ANGPT2: variants seen among roughly 807,000 people sequenced by gnomAD.
ANGPT2 encodes the protein angiopoietin 2, also known as angiopoietin-2.
ANGPT2 carries 28 observed loss-of-function variants against 62.9 expected under a neutral mutation model. That is an observed-to-expected ratio of 0.44 (90% CI 0.33 to 0.61). The LOEUF (loss-of-function observed/expected upper bound fraction) is 0.61. Among genes scored for constraint, ANGPT2 ranks in the 20% least tolerant of loss-of-function variants. The pLI, the probability that ANGPT2 is intolerant of heterozygous loss-of-function variation, is 0.03. For synonymous variants in ANGPT2, 284 were observed against 207.8 expected, an observed-to-expected ratio of 1.37 and a Z score of -3.15; for missense variants, 727 against 594.9, an observed-to-expected ratio of 1.22 and a Z score of -2.31.
chr8:6,511,496 A>C (rs1307037397), intron 7 of ANGPT2, among the ~76,000 whole-genome samples: 2 of 152,188 alleles, frequency 1.3e-5, no homozygotes, highest in Non-Finnish European at 2.9e-5. Context: ...GCATTTATGC[A>C]TTTCTTATAA....
intron 1 of ANGPT2, among the ~76,000 whole-genome samples, chr8:6,538,275 C>A (rs563160592): frequency 6.6e-6 from 1 of 152,208 alleles, no homozygotes; most frequent in South Asian, 2.1e-4. Context: ...ATCTGTCTTA[C>A]ACACACACAT....
At chr8:6,538,091 C>T (rs763359698) in intron 1 of ANGPT2, among the ~76,000 whole-genome samples, 1 of 152,058 alleles carries the variant, frequency 6.6e-6, no homozygotes, top group Non-Finnish European at 1.5e-5. Context: ...GCAACCATCT[C>T]TCACACACAC....
At chr8:6,538,066 T>C (rs1212059183) in intron 1 of ANGPT2, among the ~76,000 whole-genome samples, 2 of 152,182 alleles carry the variant, frequency 1.3e-5, no homozygotes, top group East Asian at 3.9e-4. Flanking sequence ...CATTTCAATT[T>C]CGAAATAGGA....
At chr8:6,511,416 G>T (rs563992821) in intron 7 of ANGPT2, among the ~76,000 whole-genome samples, 1 of 152,090 alleles carries the variant, frequency 6.6e-6, no homozygotes, top group South Asian at 2.1e-4. Context: ...TGTGTGAAAA[G>T]TGATGAATTT....
intron 2 of ANGPT2, among the ~76,000 whole-genome samples, chr8:6,531,569 G>A (rs1471018284): frequency 6.6e-6 from 1 of 152,132 alleles, no homozygotes; most frequent in Non-Finnish European, 1.5e-5. Context: ...TGGAATTACA[G>A]GCGTGAGCTA....
At chr8:6,512,611 C>T (rs1586254475) in intron 7 of ANGPT2, among the ~76,000 whole-genome samples, 1 of 152,204 alleles carries the variant, frequency 6.6e-6, no homozygotes, top group African/African-American at 2.4e-5. Context: ...CCGTTGCACA[C>T]ACATTTCGGA....
Position 6,532,344 on chromosome 8 carries a change from A to T in ANGPT2, c.432T>A (p.Asp144Glu), listed in dbSNP as rs753533535. The T allele has an allele frequency of 6.2e-7, 1 of 1,614,112 alleles. No homozygotes were observed. The change falls in exon 2 of 9, where the codon GAT becomes GAA. Residue 144 changes from aspartate (D) to glutamate (E), a missense_variant. Physicochemically the swap from Asp to Glu is conservative, Grantham distance 45. Transcript: ENST00000629816. ...QTAEQTRKLT[D>E]VEAQVLNQTT... is the part of the protein sequence containing the mutation. The stretch of plus-strand genomic sequence containing the variant: ...TGGCATTACTTACTTGGGCTTCCAC[A>T]TCAGTTAACTTCCGCGTTTGCTCCG...
chr8:6,507,511 G>GAC (rs1182176803), intron 8 of ANGPT2: 1 of 149,418 alleles, frequency 6.7e-6, no homozygotes, highest in Non-Finnish European at 1.5e-5. Context: ...ACTAAGTAGC[G>GAC]TTTGTTCCTG....
rs550963683 is a variant in ANGPT2 at position 6,503,609 on chromosome 8, C to G, written c.1328-348G>C. Among the ~76,000 whole-genome samples, 3 of 152,318 alleles carry G rather than the reference C, an allele frequency of 2.0e-5. No homozygotes were observed. In the South Asian group the frequency reaches 6.2e-4, roughly 32 times the overall value. ...ATCTGAGGCACAGTTGGAAAACTCT[C>G]CTTCAACCAGGATTACTTTGCAGTC... is the stretch of plus-strand genomic sequence containing the variant. On this transcript the variant is annotated intron_variant, in intron 8 of 8. Transcript: ENST00000629816.
At chr8:6,533,486 C>G (rs944973508) in intron 1 of ANGPT2, among the ~76,000 whole-genome samples, 2 of 150,934 alleles carry the variant, frequency 1.3e-5, no homozygotes, top group African/African-American at 4.9e-5. Context: ...TCTGGTTGGT[C>G]AGAGGAGTGT....
At chr8:6,521,451 A>T in intron 3 of ANGPT2, 41 bp from the exon 4 acceptor site, 1 of 1,360,906 alleles carries the variant, frequency 7.3e-7, no homozygotes, top group Non-Finnish European at 1.0e-6. Flanking sequence ...AGGCTATTCT[A>T]ATGAAATATT....
At chr8:6,554,515 T>TA (rs751140339) in intron 1 of ANGPT2, among the ~76,000 whole-genome samples, 10 of 152,242 alleles carry the variant, frequency 6.6e-5, no homozygotes, top group Non-Finnish European at 8.8e-5. Context: ...CCATTGTCCA[T>TA]AAAAAATTAT....
At chr8:6,528,687 T>A (rs1049446866) in intron 2 of ANGPT2, among the ~76,000 whole-genome samples, 2 of 152,226 alleles carry the variant, frequency 1.3e-5, no homozygotes, top group African/African-American at 4.8e-5. Context: ...AATCGACTAC[T>A]CACTTCCTCC....
chr8:6,503,326 C>A, intron 8 of ANGPT2, 65 bp from the exon 9 acceptor site: 1 of 1,567,426 alleles, frequency 6.4e-7, no homozygotes, highest in East Asian at 2.2e-5. Flanking sequence ...ACGAAGACAG[C>A]AATACTCAGC....
At chr8:6,541,957 G>A (rs1396829876) in intron 1 of ANGPT2, among the ~76,000 whole-genome samples, 2 of 150,662 alleles carry the variant, frequency 1.3e-5, no homozygotes, top group African/African-American at 2.5e-5. Context: ...GCAGTGAGCC[G>A]TGATCGTGCC....
rs530137265 is a variant in ANGPT2, at chr8:6,539,026, G to C, written c.289-6539C>G. On this transcript the variant is annotated intron_variant, in intron 1 of 8. Coordinates refer to ENST00000629816, the MANE Select transcript of ANGPT2 (RefSeq NM_001118887.2). ...TCTCCTCCCCCTCCTTTTAGAGTTG[G>C]GCTTGTGTGTGTGTGTGTGTGTGTT... Among the ~76,000 whole-genome samples the C allele has an allele frequency of 1.4e-3, 104 of 75,756 alleles. 1 individual carries two copies. Among genetic ancestry groups the C allele is most frequent in the Admixed American group, 0.013 (86 of 6,608 alleles). 49.7% of individuals were successfully genotyped at this position (75,756 alleles called of 152,430 possible).
Position 6,527,623 on chromosome 8 carries a change from C to G in ANGPT2, c.498G>C (p.Ser166=), listed in dbSNP as rs139251288. ...LELQLLEHSL[S]TNKLEKQILD... ...AAATCTGTTTTTCCAATTTGTTTGT[C>G]GAGAGGGAGTGTTCCAAGAGCTGAA... The change falls in exon 3 of 9, where the codon TCG becomes TCC. Residue 166 remains serine (S), a synonymous_variant. Transcript: ENST00000629816. 1.2e-4 allele frequency: 196 copies of G among 1,613,794 alleles called. No homozygotes were observed. In the African/African-American group the frequency reaches 2.3e-3, roughly 19 times the overall value.
chr8:6,503,375 C>G, intron 8 of ANGPT2, 114 bp from the exon 9 acceptor site: 1 of 1,042,002 alleles, frequency 9.6e-7, no homozygotes, highest in Non-Finnish European at 1.4e-6. Flanking sequence ...GGAGTAGGCA[C>G]ATGCAGATGA....
chr8:6,539,794 T>A (rs1051418645), intron 1 of ANGPT2, among the ~76,000 whole-genome samples: 10 of 152,042 alleles, frequency 6.6e-5, no homozygotes, highest in Non-Finnish European at 1.3e-4. Context: ...GCCATGTTGG[T>A]CAGGCTGGTC....
Sources: gnomAD v4.1 joint callset for allele counts (sites outside exome capture counted in the v4.1 genomes callset) on GRCh38, gnomAD v4.1.1 for gene constraint, MANE v1.5 for transcripts, NCBI Gene and HGNC (gene_info 2026-07-23, HGNC 2026-07-21) for gene names.